OR4Q3: variants seen among roughly 807,000 people sequenced by gnomAD.
OR4Q3 encodes olfactory receptor family 4 subfamily Q member 3, also known as olfactory receptor 4Q3.
A neutral mutation model predicts 18.8 loss-of-function variants in OR4Q3; 17 were observed. The observed-to-expected ratio is 0.91, with a 90% confidence interval of 0.62 to 1.36. The LOEUF (loss-of-function observed/expected upper bound fraction) is 1.36. Among genes scored for constraint, OR4Q3 ranks in the 40% most tolerant of loss-of-function variants. The pLI, the probability that OR4Q3 is intolerant of heterozygous loss-of-function variation, is 0.00. For synonymous variants in OR4Q3, 158 were observed against 145.8 expected, an observed-to-expected ratio of 1.08 and a Z score of -0.60; for missense variants, 378 against 373.4, an observed-to-expected ratio of 1.01 and a Z score of -0.10.
At chr14:19,752,308 T>G, downstream of OR4Q3, among the ~76,000 whole-genome samples, 6 of 152,314 alleles carry the variant, frequency 3.9e-5, no homozygotes, top group Non-Finnish European at 2.9e-5. Flanking sequence ...TAAATAGAAC[T>G]TAAATAATAC....
Position 19,747,609 on chromosome 14 carries a change from A to T in OR4Q3, c.206A>T (p.Tyr69Phe). The T allele has an allele frequency of 5.1e-5, 83 of 1,613,968 alleles. No individual in the cohort carries two copies. The African/African-American group carries it at 9.6e-4, about 19-fold the overall frequency. ...GCTCACCTGCTCCAATCTCCTATGT[A>T]TTATTTTTTAGGTCATCTCTCTTTC... Residue 69 changes from tyrosine to phenylalanine, a missense_variant, in exon 2 of 2, where the codon TAT becomes TTT. Transcript: ENST00000642117.
At chr14:19,751,381 A>T, downstream of OR4Q3, among the ~76,000 whole-genome samples, 1 of 152,188 alleles carries the variant, frequency 6.6e-6, no homozygotes, top group Non-Finnish European at 1.5e-5. Context: ...TATTAAGCTG[A>T]TGCTAGCTTC....
At chr14:19,749,706 A>T, downstream of OR4Q3, among the ~76,000 whole-genome samples, 2 of 149,076 alleles carry the variant, frequency 1.3e-5, no homozygotes, top group African/African-American at 4.9e-5. Flanking sequence ...TATCCCAATT[A>T]TACAGATTGC....
downstream of OR4Q3, among the ~76,000 whole-genome samples, chr14:19,750,868 GT>G: frequency 6.6e-6 from 1 of 152,208 alleles, no homozygotes; most frequent in East Asian, 1.9e-4. Flanking sequence ...CATTTTCAGG[GT>G]TTTTTGCATA....
At chr14:19,745,901 C>T in intron 1 of OR4Q3, among the ~76,000 whole-genome samples, 2 of 152,096 alleles carry the variant, frequency 1.3e-5, no homozygotes, top group East Asian at 1.9e-4. Flanking sequence ...GATTTAGATA[C>T]ACCTGTGCAC....
At chr14:19,749,691 G>C, downstream of OR4Q3, among the ~76,000 whole-genome samples, 2 of 145,044 alleles carry the variant, frequency 1.4e-5, no homozygotes, top group Admixed American at 1.4e-4. Context: ...CTCAGAAAGA[G>C]TATTTATCCC....
chr14:19,747,834 T>C, exon 2 of OR4Q3: 3 of 1,613,946 alleles, frequency 1.9e-6, no homozygotes, highest in Non-Finnish European at 2.5e-6. Context: ...TACCTTACAG[T>C]CATGAACCCC....
chr14:19,749,892 TTC>T, downstream of OR4Q3, among the ~76,000 whole-genome samples: 5 of 17,612 alleles, frequency 2.8e-4, no homozygotes, highest in Non-Finnish European at 7.8e-4. Context: ...CTTTCTTTCT[TTC>T]TTTCTTTCTT....
At chr14:19,750,176 G>T, downstream of OR4Q3, among the ~76,000 whole-genome samples, 2 of 151,970 alleles carry the variant, frequency 1.3e-5, no homozygotes. Flanking sequence ...GTAAAGACGG[G>T]GTTTCTCCAT....
downstream of OR4Q3, among the ~76,000 whole-genome samples, chr14:19,749,854 CT>C: frequency 7.5e-4 from 3 of 4,016 alleles, no homozygotes; most frequent in South Asian, 0.036. Flanking sequence ...TTACTTCTTT[CT>C]TTCTTTCTTT....
At chr14:19,750,228 G>T, downstream of OR4Q3, among the ~76,000 whole-genome samples, 2 of 152,048 alleles carry the variant, frequency 1.3e-5, no homozygotes, top group African/African-American at 4.8e-5. Flanking sequence ...CAGGTGATCT[G>T]CCTGCCTCAG....
chr14:19,751,181 A>C, downstream of OR4Q3, among the ~76,000 whole-genome samples: 2 of 152,254 alleles, frequency 1.3e-5, no homozygotes, highest in Non-Finnish European at 2.9e-5. Flanking sequence ...AGAGCTTTTT[A>C]TATTCCCTTT....
At chr14:19,748,306 T>C in exon 2 of OR4Q3, 1 of 1,613,630 alleles carries the variant, frequency 6.2e-7, no homozygotes, top group Admixed American at 1.7e-5. Flanking sequence ...TCAGAAATAC[T>C]GATATGAAGA....
downstream of OR4Q3, among the ~76,000 whole-genome samples, chr14:19,752,285 A>G: frequency 1.3e-5 from 2 of 152,262 alleles, no homozygotes; most frequent in South Asian, 4.1e-4. Context: ...ACAAAGGTCT[A>G]ATATCCCAAA....
chr14:19,744,067 C>A (rs35513778), intron 1 of OR4Q3, among the ~76,000 whole-genome samples: 19,261 of 149,402 alleles, frequency 0.13, 562 homozygotes, highest in South Asian at 0.23. Context: ...TACTAAAATC[C>A]TCTTTATGTT....
chr14:19,746,233 G>A, intron 1 of OR4Q3, among the ~76,000 whole-genome samples: 3 of 151,996 alleles, frequency 2.0e-5, no homozygotes, highest in Non-Finnish European at 4.4e-5. Context: ...TCTATAGCTG[G>A]TTTTAGATAA....
exon 2 of OR4Q3, chr14:19,748,223 T>A: frequency 6.2e-7 from 1 of 1,614,054 alleles, no homozygotes; most frequent in Non-Finnish European, 8.5e-7. Flanking sequence ...TTTCTGCAGC[T>A]TCTCTGTGGA....
At chr14:19,745,700 A>G in intron 1 of OR4Q3, among the ~76,000 whole-genome samples, 3 of 152,212 alleles carry the variant, frequency 2.0e-5, no homozygotes, top group Non-Finnish European at 4.4e-5. Context: ...CATCAAAATG[A>G]GATTTTCTTA....
At chr14:19,749,902 CTTTCTT>C, downstream of OR4Q3, among the ~76,000 whole-genome samples, 1 of 14,318 alleles carries the variant, frequency 7.0e-5, no homozygotes, top group Non-Finnish European at 2.9e-4. Context: ...TTCTTTCTTT[CTTTCTT>C]TTTTCTTTCT....
Sources: gnomAD v4.1 joint callset for allele counts (sites outside exome capture counted in the v4.1 genomes callset) on GRCh38, gnomAD v4.1.1 for gene constraint, MANE v1.5 for transcripts, NCBI Gene and HGNC (gene_info 2026-07-23, HGNC 2026-07-21) for gene names.